The following VPS8 variants were observed in gnomAD, a reference collection of about 807,000 sequenced individuals.
VPS8 encodes the protein VPS8 subunit of CORVET complex, also known as vacuolar protein sorting-associated protein 8 homolog.
Under a neutral mutation model 216.4 loss-of-function variants are expected in VPS8, and 129 were observed. That is an observed-to-expected ratio of 0.60 (90% CI 0.52 to 0.69). VPS8 has a LOEUF of 0.69. Ranked by LOEUF, VPS8 falls within the 30% of genes least tolerant of loss-of-function variation. The probability of loss-of-function intolerance (pLI) is 0.00; values close to 1 mark genes in which losing one functional copy is unlikely to be tolerated. For synonymous variants in VPS8, 571 were observed against 565.4 expected (o/e 1.01, Z -0.14); for missense variants, 1,531 against 1,683.5 (o/e 0.91, Z 1.59).
chr3:185,018,714 T>C (rs1242421791), intron 45 of VPS8, among the ~76,000 whole-genome samples: 2 of 152,166 alleles, frequency 1.3e-5, no homozygotes, highest in Non-Finnish European at 2.9e-5. Flanking sequence ...ATTCTTTGAG[T>C]AATTTAAAAG....
At chr3:184,925,307 G>A (rs1018500739) in intron 30 of VPS8, among the ~76,000 whole-genome samples, 1 of 152,188 alleles carries the variant, frequency 6.6e-6, no homozygotes, top group Non-Finnish European at 1.5e-5. Flanking sequence ...CTGGAGAAAA[G>A]ATTACTTTTG....
At chr3:184,990,119 A>G (rs1751690770) in intron 42 of VPS8, among the ~76,000 whole-genome samples, 1 of 152,114 alleles carries the variant, frequency 6.6e-6, no homozygotes, top group Non-Finnish European at 1.5e-5. Context: ...TGTTTTCTGG[A>G]ATAGATTGTA....
At chr3:184,861,421 T>TTTA (rs1461909640) in intron 15 of VPS8, among the ~76,000 whole-genome samples, 3 of 152,328 alleles carry the variant, frequency 2.0e-5, no homozygotes, top group Admixed American at 2.0e-4. Context: ...CTTTACATGA[T>TTTA]TTATTGATTT....
At chr3:184,846,603 G>A (rs1367344102) in intron 8 of VPS8, among the ~76,000 whole-genome samples, 2 of 152,220 alleles carry the variant, frequency 1.3e-5, no homozygotes, top group African/African-American at 4.8e-5. Flanking sequence ...TGTGAAGTTT[G>A]GATCTCAAAG....
chr3:184,824,966 T>C (rs1372135126), intron 2 of VPS8, 181 bp downstream of exon 2: 2 of 623,528 alleles, frequency 3.2e-6, no homozygotes, highest in Non-Finnish European at 2.8e-6. Context: ...AGTACAGTGG[T>C]GCAAACATGG....
chr3:184,856,199 G>A (rs537404497), intron 14 of VPS8, among the ~76,000 whole-genome samples: 1 of 152,292 alleles, frequency 6.6e-6, no homozygotes, highest in South Asian at 2.1e-4. Flanking sequence ...AAGGAAAGAA[G>A]GAAGTATACA....
chr3:184,853,263 G>A (rs918054120), intron 11 of VPS8, among the ~76,000 whole-genome samples: 2 of 152,150 alleles, frequency 1.3e-5, no homozygotes, highest in African/African-American at 4.8e-5. Flanking sequence ...TGCAGTAAGG[G>A]TAAGGAAACA....
rs544695315 is a variant in VPS8 at position 185,024,720 on chromosome 3, C to T, written c.4056+331C>T. ...TTTATCTTAATAATGTGCTTTACTT[C>T]GACTGGGTGCAGAGGCTCATGCCTG... is the stretch of plus-strand genomic sequence containing the variant. On this transcript the variant is annotated intron_variant, in intron 46 of 47. Transcript: ENST00000625842. Among the ~76,000 whole-genome samples, 47 of 152,188 alleles carry T rather than the reference C, an allele frequency of 3.1e-4. 1 individual carries two copies. The South Asian group carries it at 7.1e-3, about 23-fold the overall frequency.
chr3:184,952,541 A>G (rs1172418339), intron 36 of VPS8, among the ~76,000 whole-genome samples: 2 of 77,966 alleles, frequency 2.6e-5, no homozygotes, highest in African/African-American at 7.2e-5. Context: ...TAAGCAGTTC[A>G]AGGGAGGGGT....
At chr3:184,995,913 T>TA (rs924885472) in intron 43 of VPS8, among the ~76,000 whole-genome samples, 1 of 152,202 alleles carries the variant, frequency 6.6e-6, no homozygotes, top group Admixed American at 6.5e-5. Flanking sequence ...GCAGTTTCAG[T>TA]AAAAAATCTG....
At position 184,971,682 on chromosome 3, in the gene VPS8, AAGATACTAT is replaced by A. The variant is rs1748432033; in HGVS notation, c.3351_3359del (p.Asp1118_Met1120del). The A allele has an allele frequency of 6.2e-7, 1 of 1,613,318 alleles. No individual in the cohort carries two copies. Among genetic ancestry groups the A allele is most frequent in the African/African-American group, 1.3e-5 (1 of 74,928 alleles). ...GAGGATCCCTCATTGAAGGATGTTG[AAGATACTAT>A]GGTGGAGACCATTGCTCTTTGCCAG... On this transcript the variant is annotated inframe_deletion, in exon 40 of 48. Transcript: ENST00000625842.
chr3:184,988,198 A>C (rs906534058), intron 42 of VPS8, among the ~76,000 whole-genome samples: 3 of 152,184 alleles, frequency 2.0e-5, no homozygotes, highest in Non-Finnish European at 4.4e-5. Flanking sequence ...TTTTTCTTCC[A>C]TGGAATATGC....
intron 42 of VPS8, among the ~76,000 whole-genome samples, chr3:184,986,562 C>T (rs750312856): frequency 3.3e-5 from 5 of 152,164 alleles, no homozygotes; most frequent in Non-Finnish European, 5.9e-5. Flanking sequence ...CCATCAGACG[C>T]ACTCACTTCT....
At position 185,009,985 on chromosome 3, in the gene VPS8, CAAAAAAAAA is replaced by C. The variant is rs11367805; in HGVS notation, c.4002+10137_4002+10145del. Among the ~76,000 whole-genome samples, 319 of 91,400 alleles carry C rather than the reference CAAAAAAAAA, an allele frequency of 3.5e-3. 4 individuals are homozygous for C. Among genetic ancestry groups the C allele is most frequent in the African/African-American group, 0.011 (289 of 25,826 alleles). The allele number at this position is 91,400 out of a possible 152,430, so 60.0% of individuals were successfully genotyped here. A position where few individuals can be genotyped will look rare whatever the true frequency, so the allele number is the denominator to read the frequency against. On this transcript the variant is annotated intron_variant, in intron 45 of 47. Coordinates refer to ENST00000625842, the MANE Select transcript of VPS8 (RefSeq NM_001009921.3). ...CTGTGTGAGGAAACTACTTCAGGTCCAAAAAAAAAAAAAAAAAAAAAGGTGCCACCCAAA... is the reference window on the plus strand; with the variant it reads ...CTGTGTGAGGAAACTACTTCAGGTCCAAAAAAAAAAAAGGTGCCACCCAAA...
intron 41 of VPS8, 135 bp downstream of exon 41, chr3:184,982,782 T>C (rs1003148868): frequency 5.2e-6 from 4 of 771,698 alleles, no homozygotes; most frequent in Non-Finnish European, 8.1e-6. Flanking sequence ...CCATATAGTA[T>C]GGTTGATCTC....
At chr3:184,955,609 TTGTCTTG>T (rs1745455840) in intron 36 of VPS8, among the ~76,000 whole-genome samples, 1 of 152,038 alleles carries the variant, frequency 6.6e-6, no homozygotes, top group South Asian at 2.1e-4. Flanking sequence ...CTTTATCTCT[TTGTCTTG>T]TGTCTTTATT....
chr3:184,949,910 T>C (rs1054554270), intron 36 of VPS8, among the ~76,000 whole-genome samples: 6 of 151,958 alleles, frequency 3.9e-5, no homozygotes, highest in South Asian at 4.1e-4. Flanking sequence ...GTTGCTGCTG[T>C]TGTTGTTTTT....
At chr3:184,951,393 G>C (rs1215888787) in intron 36 of VPS8, among the ~76,000 whole-genome samples, 1 of 151,746 alleles carries the variant, frequency 6.6e-6, no homozygotes, top group Non-Finnish European at 1.5e-5. Flanking sequence ...GCTGAAGTGG[G>C]AGGATCACTG....
chr3:184,884,139 T>C (rs1730762606), intron 21 of VPS8, among the ~76,000 whole-genome samples: 2 of 152,064 alleles, frequency 1.3e-5, no homozygotes, highest in Non-Finnish European at 1.5e-5. Flanking sequence ...TTGTTACATA[T>C]GTATACATGT....
Sources: allele counts gnomAD v4.1 joint callset (sites outside exome capture counted in the v4.1 genomes callset), GRCh38; gene constraint gnomAD v4.1.1; transcripts MANE v1.5; gene names NCBI Gene and HGNC (gene_info 2026-07-23, HGNC 2026-07-21).